Variants in ANO10 observed in about 807,000 individuals in gnomAD.
The protein encoded by ANO10 is anoctamin 10, also known as anoctamin-10.
In ANO10, 77 loss-of-function variants were observed where a neutral mutation model predicts 74.7. The ratio of observed to expected loss-of-function variants is 1.03; its 90% CI spans 0.86 to 1.25. The LOEUF is 1.25. ANO10 is among the 50% of genes most tolerant of loss of function. ANO10 has a pLI of 0.00. For missense variants in ANO10, 721 were observed against 778.1 expected (o/e 0.93, Z 0.87); for synonymous variants, 279 against 284.9 (o/e 0.98, Z 0.21).
Position 43,401,664 on chromosome 3 carries a change from TG to T in ANO10, c.1914+30946del, listed in dbSNP as rs534543071. Among the ~76,000 whole-genome samples, 17 of 152,352 alleles carry T rather than the reference TG, an allele frequency of 1.1e-4. No individual in the cohort carries two copies. The South Asian group carries it at 1.7e-3, about 15-fold the overall frequency. On this transcript the variant is annotated intron_variant, in intron 12 of 12. Transcript: ENST00000292246. ...GAATTAAAATCGGGACAATTCTACA[TG>T]ATTGCTTCTTTTGTTATAATTATAG...
chr3:43,670,131 T>C (rs891139991), intron 1 of ANO10, among the ~76,000 whole-genome samples: 8 of 152,166 alleles, frequency 5.3e-5, no homozygotes, highest in African/African-American at 1.7e-4. Flanking sequence ...GGTAGGAAGA[T>C]TGCTTGAGCT....
At chr3:43,659,277 G>A (rs1001434378) in intron 1 of ANO10, among the ~76,000 whole-genome samples, 3 of 152,168 alleles carry the variant, frequency 2.0e-5, no homozygotes, top group Non-Finnish European at 2.9e-5. Context: ...GAAGTGCAAG[G>A]GGTCGGGGCA....
intron 1 of ANO10, among the ~76,000 whole-genome samples, chr3:43,667,029 CCTTT>C: frequency 6.7e-6 from 1 of 149,524 alleles, no homozygotes; most frequent in African/African-American, 2.5e-5. Flanking sequence ...GTTTTTTGAC[CCTTT>C]CTTGTTTTTT....
chr3:43,565,605 C>T (rs767382404), intron 8 of ANO10, 48 bp downstream of exon 8: 1 of 1,396,790 alleles, frequency 7.2e-7, no homozygotes, highest in South Asian at 1.4e-5. Context: ...GATAGAAAAC[C>T]ACCTCTATGA....
intron 6 of ANO10, among the ~76,000 whole-genome samples, chr3:43,575,676 C>T (rs1439668219): frequency 6.6e-6 from 1 of 151,852 alleles, no homozygotes; most frequent in Admixed American, 6.6e-5. Context: ...CTTGCTCTGT[C>T]GCCCAGACTA....
chr3:43,683,183 C>T (rs573117111), intron 1 of ANO10, among the ~76,000 whole-genome samples: 142 of 152,278 alleles, frequency 9.3e-4, no homozygotes, highest in African/African-American at 3.1e-3. Context: ...TAGAAAACCC[C>T]ATCATCTCAG....
chr3:43,505,428 C>T (rs7647197), intron 11 of ANO10, among the ~76,000 whole-genome samples: 149,550 of 152,340 alleles, frequency 0.98, 73,473 homozygotes, highest in East Asian at 1. Flanking sequence ...ACTAGTAAAT[C>T]GACTAAGAAG....
At chr3:43,560,799 T>C (rs1380262818) in intron 9 of ANO10, among the ~76,000 whole-genome samples, 1 of 152,226 alleles carries the variant, frequency 6.6e-6, no homozygotes, top group Non-Finnish European at 1.5e-5. Context: ...AATTCAATCT[T>C]CAGATTGGCA....
intron 12 of ANO10, among the ~76,000 whole-genome samples, chr3:43,409,487 T>C (rs1298318290): frequency 6.6e-6 from 1 of 152,092 alleles, no homozygotes; most frequent in Admixed American, 6.6e-5. Flanking sequence ...GAGTTTGCAG[T>C]GAGCCAAGAC....
At chr3:43,601,814 G>A (rs950290023) in intron 2 of ANO10, among the ~76,000 whole-genome samples, 2 of 152,140 alleles carry the variant, frequency 1.3e-5, no homozygotes, top group African/African-American at 4.8e-5. Flanking sequence ...TGCAAAGATG[G>A]AAAGTTTGGT....
At chr3:43,602,280 A>C (rs2149486561) in intron 2 of ANO10, among the ~76,000 whole-genome samples, 1 of 152,310 alleles carries the variant, frequency 6.6e-6, no homozygotes, top group East Asian at 1.9e-4. Flanking sequence ...TGTGTGGGGA[A>C]AGGCATCCCA....
chr3:43,407,679 G>C (rs2092600517), intron 12 of ANO10, among the ~76,000 whole-genome samples: 1 of 152,224 alleles, frequency 6.6e-6, no homozygotes, highest in Non-Finnish European at 1.5e-5. Context: ...GATTACAATG[G>C]AGCATGACAA....
chr3:43,459,538 C>T (rs576327112), intron 11 of ANO10, among the ~76,000 whole-genome samples: 38 of 152,072 alleles, frequency 2.5e-4, no homozygotes, highest in African/African-American at 8.4e-4. Flanking sequence ...GGTCCAAGTG[C>T]GGAGTGAGGA....
intron 11 of ANO10, among the ~76,000 whole-genome samples, chr3:43,540,356 T>C (rs2078902233): frequency 6.6e-6 from 1 of 152,210 alleles, no homozygotes; most frequent in Non-Finnish European, 1.5e-5. Context: ...CCAGGTTTGT[T>C]TTCTTTAAAG....
At chr3:43,466,123 G>A (rs771706210) in intron 11 of ANO10, among the ~76,000 whole-genome samples, 83 of 152,192 alleles carry the variant, frequency 5.5e-4, no homozygotes, top group Non-Finnish European at 9.6e-4. Context: ...TGAAATCCCA[G>A]CACCCTTGGG....
intron 11 of ANO10, among the ~76,000 whole-genome samples, chr3:43,490,348 T>C (rs1258146311): frequency 1.3e-5 from 2 of 152,188 alleles, no homozygotes; most frequent in Admixed American, 1.3e-4. Context: ...ATTTAAAAAC[T>C]TTTTATCTAA....
At chr3:43,607,261 G>A (rs1203954940) in intron 1 of ANO10, among the ~76,000 whole-genome samples, 4 of 151,814 alleles carry the variant, frequency 2.6e-5, no homozygotes, top group Admixed American at 2.0e-4. Flanking sequence ...CAGCTATTTT[G>A]GAGACTGAGC....
At chr3:43,384,942 C>T (rs2092073135) in intron 12 of ANO10, among the ~76,000 whole-genome samples, 1 of 152,106 alleles carries the variant, frequency 6.6e-6, no homozygotes, top group African/African-American at 2.4e-5. Context: ...AACTAAAAAG[C>T]TTCTGCACAG....
At chr3:43,685,481 T>C (rs2084263326) in intron 1 of ANO10, among the ~76,000 whole-genome samples, 1 of 152,228 alleles carries the variant, frequency 6.6e-6, no homozygotes, top group Non-Finnish European at 1.5e-5. Context: ...TTTTTGACAT[T>C]AGACTACTGA....
Sources: gnomAD v4.1 joint callset for allele counts (sites outside exome capture counted in the v4.1 genomes callset) on GRCh38, gnomAD v4.1.1 for gene constraint, MANE v1.5 for transcripts, NCBI Gene and HGNC (gene_info 2026-07-23, HGNC 2026-07-21) for gene names.